Variants in BLTP3A observed in about 807,000 individuals in gnomAD.
The protein encoded by BLTP3A is ICBP90 binding protein 1.
chr6:34,812,575 C>G, the BLTP3A span, among the ~76,000 whole-genome samples: 2 of 151,980 alleles, frequency 1.3e-5, no homozygotes, highest in African/African-American at 2.4e-5. Flanking sequence ...AGGGATCCTC[C>G]CACCCCAGCT....
At chr6:34,867,472 G>A in the BLTP3A span, 3 of 1,614,154 alleles carry the variant, frequency 1.9e-6, no homozygotes, top group Admixed American at 5.0e-5. Flanking sequence ...ATAGGTCTCA[G>A]TTCTGGTCCT....
the BLTP3A span, among the ~76,000 whole-genome samples, chr6:34,839,074 A>G: frequency 6.6e-6 from 1 of 152,212 alleles, no homozygotes; most frequent in East Asian, 1.9e-4. Flanking sequence ...AACATGGAGA[A>G]ACCCCGTCTC....
the BLTP3A span, among the ~76,000 whole-genome samples, chr6:34,799,963 T>C: frequency 6.6e-6 from 1 of 152,188 alleles, no homozygotes; most frequent in South Asian, 2.1e-4. Context: ...TCTAATTCTT[T>C]AGACATTTAG....
At chr6:34,867,829 C>T in the BLTP3A span, among the ~76,000 whole-genome samples, 1 of 152,180 alleles carries the variant, frequency 6.6e-6, no homozygotes, top group Non-Finnish European at 1.5e-5. Flanking sequence ...CTGTGCTAGT[C>T]TCCAACTTCA....
At chr6:34,816,294 G>A in the BLTP3A span, among the ~76,000 whole-genome samples, 14 of 151,990 alleles carry the variant, frequency 9.2e-5, no homozygotes, top group Non-Finnish European at 1.0e-4. Context: ...GTTTGAAAAC[G>A]TCTATCTCAC....
the BLTP3A span, chr6:34,856,446 G>A: frequency 6.3e-7 from 1 of 1,593,242 alleles, no homozygotes; most frequent in Admixed American, 1.8e-5. Context: ...CAGTTGCTTA[G>A]CCTCTTGCCA....
chr6:34,794,494 C>T, the BLTP3A span, among the ~76,000 whole-genome samples: 18 of 152,142 alleles, frequency 1.2e-4, no homozygotes, highest in Non-Finnish European at 1.8e-4. Flanking sequence ...ACCTTATCTC[C>T]GGAAAAATTC....
the BLTP3A span, among the ~76,000 whole-genome samples, chr6:34,794,777 G>A: frequency 1.4e-5 from 2 of 141,988 alleles, no homozygotes; most frequent in East Asian, 2.0e-4. Flanking sequence ...TCCTATGAAC[G>A]TAGAGTTTTT....
At chr6:34,801,887 G>A in the BLTP3A span, among the ~76,000 whole-genome samples, 6 of 151,742 alleles carry the variant, frequency 4.0e-5, no homozygotes, top group Non-Finnish European at 7.4e-5. Flanking sequence ...ACAGGCGCCC[G>A]CCGCCACACC....
chr6:34,869,826 G>T, the BLTP3A span, among the ~76,000 whole-genome samples: 10 of 151,126 alleles, frequency 6.6e-5, no homozygotes, highest in Non-Finnish European at 1.5e-4. Flanking sequence ...TAATTTTTTT[G>T]TATTTTTAGA....
the BLTP3A span, chr6:34,857,050 A>G: frequency 7.7e-7 from 1 of 1,307,022 alleles, no homozygotes; most frequent in Non-Finnish European, 1.0e-6. Context: ...GGGAAGATTA[A>G]TAGTTTGGTC....
At chr6:34,821,889 G>A in the BLTP3A span, 8 of 1,614,210 alleles carry the variant, frequency 5.0e-6, no homozygotes, top group East Asian at 2.2e-5. Flanking sequence ...AGCTACCACA[G>A]CCCTGAGACT....
At chr6:34,862,766 G>A in the BLTP3A span, among the ~76,000 whole-genome samples, 1,287 of 151,652 alleles carry the variant, frequency 8.5e-3, 19 homozygotes, top group African/African-American at 0.027. Context: ...CCCAGGAGGT[G>A]GAGGTTGCAG....
the BLTP3A span, among the ~76,000 whole-genome samples, chr6:34,811,677 C>T: frequency 4.5e-5 from 5 of 110,724 alleles, no homozygotes; most frequent in Admixed American, 8.6e-5. Context: ...TGGTGAGACC[C>T]CCCCCCCCGC....
At chr6:34,804,297 T>A in the BLTP3A span, among the ~76,000 whole-genome samples, 8 of 152,120 alleles carry the variant, frequency 5.3e-5, no homozygotes, top group Non-Finnish European at 1.2e-4. Flanking sequence ...GGGGACTCTG[T>A]TTTTGAGACT....
At chr6:34,792,876 C>G in the BLTP3A span, among the ~76,000 whole-genome samples, 1 of 152,200 alleles carries the variant, frequency 6.6e-6, no homozygotes, top group Non-Finnish European at 1.5e-5. Flanking sequence ...CCCAGGAGCT[C>G]CCACCTCCTC....
the BLTP3A span, among the ~76,000 whole-genome samples, chr6:34,838,286 A>G: frequency 1.9e-4 from 29 of 152,172 alleles, no homozygotes; most frequent in African/African-American, 6.8e-4. Flanking sequence ...CCATTTTTAT[A>G]TACATAAAAC....
At chr6:34,875,664 G>C in the BLTP3A span, 100 of 152,232 alleles carry the variant, frequency 6.6e-4, no homozygotes, top group African/African-American at 2.4e-3. Flanking sequence ...TAGAATTTCT[G>C]TCTTTCCTTA....
At chr6:34,800,063 G>C in the BLTP3A span, among the ~76,000 whole-genome samples, 2 of 151,540 alleles carry the variant, frequency 1.3e-5, no homozygotes, top group Non-Finnish European at 2.9e-5. Context: ...AACCAAAGTT[G>C]TTCCTATTTA....
Sources: allele counts gnomAD v4.1 joint callset (sites outside exome capture counted in the v4.1 genomes callset), GRCh38; gene constraint gnomAD v4.1.1; transcripts MANE v1.5; gene names NCBI Gene and HGNC (gene_info 2026-07-23, HGNC 2026-07-21).